Variants in MACROD2 observed in about 807,000 individuals in gnomAD.
The protein encoded by MACROD2 is ADP-ribose glycohydrolase MACROD2.
Under a neutral mutation model 70.4 loss-of-function variants are expected in MACROD2, and 36 were observed. The observed-to-expected ratio is 0.51, with a 90% CI of 0.39 to 0.68. The LOEUF is 0.68. MACROD2 is among the 30% of genes least tolerant of loss of function. The pLI is 0.00. For synonymous variants in MACROD2, 172 were observed against 178.8 expected, an observed-to-expected ratio of 0.96 and a Z score of 0.30; for missense variants, 496 against 538.4, an observed-to-expected ratio of 0.92 and a Z score of 0.78.
intron 2 of MACROD2, among the ~76,000 whole-genome samples, chr20:14,075,023 G>GTATTGC (rs1473913418): frequency 1.3e-5 from 2 of 152,210 alleles, no homozygotes; most frequent in East Asian, 3.9e-4. Flanking sequence ...CACTGTCTGT[G>GTATTGC]TATTGCACTG....
At chr20:14,751,557 G>A (rs951604367) in intron 5 of MACROD2, among the ~76,000 whole-genome samples, 5 of 152,002 alleles carry the variant, frequency 3.3e-5, no homozygotes, top group African/African-American at 1.2e-4. Flanking sequence ...AACTTCAGGG[G>A]CAAACAATTC....
At position 14,992,121 on chromosome 20, in the gene MACROD2, T is replaced by C. The variant is rs544274182; in HGVS notation, c.419-237819T>C. Reference sequence around the variant, plus strand: ...CCATTTTTTAAGTCTAGAATTTATTTGAGGCTATGCAGTAGAGAAAATAAC... The same window carrying C: ...CCATTTTTTAAGTCTAGAATTTATTCGAGGCTATGCAGTAGAGAAAATAAC... On this transcript the variant is annotated intron_variant, in intron 5 of 17. Coordinates refer to ENST00000684519, the MANE Select transcript of MACROD2 (RefSeq NM_001351661.2). Among the ~76,000 whole-genome samples, 4 of 152,316 alleles carry C rather than the reference T, an allele frequency of 2.6e-5. No individual in the cohort carries two copies. The South Asian group carries it at 8.3e-4, about 32-fold the overall frequency.
intron 6 of MACROD2, among the ~76,000 whole-genome samples, chr20:15,263,135 T>C (rs1055152536): frequency 6.6e-6 from 1 of 152,004 alleles, no homozygotes; most frequent in Non-Finnish European, 1.5e-5. Context: ...TCCTGGAGAG[T>C]ATCCCCATTG....
intron 3 of MACROD2, among the ~76,000 whole-genome samples, chr20:14,255,686 TAAA>T (rs1268334574): frequency 1.7e-4 from 8 of 47,754 alleles, no homozygotes; most frequent in African/African-American, 3.4e-4. Flanking sequence ...AAAAGTATAA[TAAA>T]TAAATAAATA....
chr20:14,908,730 A>T (rs745732000), intron 5 of MACROD2, among the ~76,000 whole-genome samples: 5 of 152,134 alleles, frequency 3.3e-5, no homozygotes, highest in African/African-American at 4.8e-5. Context: ...ATTAGAAGGC[A>T]TGGGACTCAT....
intron 9 of MACROD2, among the ~76,000 whole-genome samples, chr20:15,878,575 AG>A (rs2064708688): frequency 1.3e-5 from 2 of 152,118 alleles, no homozygotes; most frequent in Admixed American, 1.3e-4. Context: ...CTTCCCCAAA[AG>A]ACTGTATTAA....
intron 5 of MACROD2, among the ~76,000 whole-genome samples, chr20:14,995,641 G>A (rs528637886): frequency 5.5e-4 from 84 of 152,136 alleles, no homozygotes; most frequent in African/African-American, 2.0e-3. Context: ...AGTGTCATAC[G>A]CTGTCAGTGG....
chr20:14,768,814 G>T (rs1226699354), intron 5 of MACROD2, among the ~76,000 whole-genome samples: 1 of 152,014 alleles, frequency 6.6e-6, no homozygotes, highest in Non-Finnish European at 1.5e-5. Flanking sequence ...GTGTTTGATT[G>T]CACATATTCC....
intron 3 of MACROD2, among the ~76,000 whole-genome samples, chr20:14,128,908 G>T (rs956774549): frequency 4.6e-5 from 7 of 152,092 alleles, no homozygotes; most frequent in Non-Finnish European, 1.0e-4. Context: ...GAGACCAGCT[G>T]CTCAGAAAAA....
intron 6 of MACROD2, among the ~76,000 whole-genome samples, chr20:15,253,974 T>C (rs1216041514): frequency 6.6e-6 from 1 of 152,218 alleles, no homozygotes; most frequent in Non-Finnish European, 1.5e-5. Context: ...GGTCTCATGC[T>C]GTCCCCCATC....
At position 14,443,870 on chromosome 20, in the gene MACROD2, G is replaced by T. The variant is rs190834726; in HGVS notation, c.272-49609G>T. 1.9e-3 allele frequency among the ~76,000 whole-genome samples: 289 copies of T among 152,192 alleles called. 2 individuals carry two copies. Among genetic ancestry groups the T allele is most frequent in the African/African-American group, 6.4e-3 (265 of 41,486 alleles). ...CCTGCCTTGCAGGATTACTGTCAGG[G>T]TTTAATAAAGCAAAGCATTTAAAGC... On this transcript the variant is annotated intron_variant, in intron 3 of 17. Transcript: ENST00000684519.
chr20:15,948,846 C>G (rs1341567788), intron 12 of MACROD2, among the ~76,000 whole-genome samples: 2 of 152,130 alleles, frequency 1.3e-5, no homozygotes, highest in Non-Finnish European at 2.9e-5. Flanking sequence ...ATTACATGCT[C>G]TCTTGGGACA....
chr20:15,548,689 C>T (rs1039658750), intron 8 of MACROD2, among the ~76,000 whole-genome samples: 8 of 152,132 alleles, frequency 5.3e-5, no homozygotes, highest in African/African-American at 1.2e-4. Context: ...CCACTGCACC[C>T]GGCCAGTGAT....
At chr20:14,765,804 G>A (rs2072080217) in intron 5 of MACROD2, among the ~76,000 whole-genome samples, 1 of 152,052 alleles carries the variant, frequency 6.6e-6, no homozygotes, top group South Asian at 2.1e-4. Flanking sequence ...CCTTCCCATT[G>A]TCACTATTGC....
At chr20:14,188,470 T>C (rs1034830941) in intron 3 of MACROD2, among the ~76,000 whole-genome samples, 2 of 152,178 alleles carry the variant, frequency 1.3e-5, no homozygotes, top group African/African-American at 4.8e-5. Flanking sequence ...TAAAGATAAA[T>C]ATGTTTTATA....
chr20:15,307,070 C>T (rs1003795384), intron 6 of MACROD2, among the ~76,000 whole-genome samples: 2 of 152,064 alleles, frequency 1.3e-5, no homozygotes, highest in Non-Finnish European at 2.9e-5. Flanking sequence ...ATAAGGCACC[C>T]CACCCCATGA....
intron 5 of MACROD2, among the ~76,000 whole-genome samples, chr20:14,779,429 G>T (rs1165626743): frequency 6.6e-6 from 1 of 152,086 alleles, no homozygotes; most frequent in Admixed American, 6.5e-5. Context: ...GCTTGCTACT[G>T]AAAAGCTGCA....
Position 16,052,777 on chromosome 20 carries a change from G to A in MACROD2, c.*2901G>A, listed in dbSNP as rs2067475153. The A allele has an allele frequency of 6.6e-6, 1 of 152,526 alleles. No homozygotes were observed. The highest frequency in any genetic ancestry group is 1.5e-5 in the Non-Finnish European group (1 of 68,024). The allele number at this position is 152,526 out of a possible 1,614,324, so 9.4% of individuals were successfully genotyped here. On this transcript the variant is annotated 3_prime_UTR_variant, in exon 18 of 18. Coordinates refer to ENST00000684519, the MANE Select transcript of MACROD2 (RefSeq NM_001351661.2). ...TTTGAAAAGACATTTCTCTGTATGT[G>A]GCGCATGTCGGCTTTGCTTTGAAAA...
At chr20:15,689,122 G>A (rs555755532) in intron 8 of MACROD2, among the ~76,000 whole-genome samples, 2 of 152,294 alleles carry the variant, frequency 1.3e-5, no homozygotes, top group South Asian at 4.1e-4. Context: ...TGGCCAACAT[G>A]GCGAAAACTT....
Sources: allele counts gnomAD v4.1 joint callset (sites outside exome capture counted in the v4.1 genomes callset), GRCh38; gene constraint gnomAD v4.1.1; transcripts MANE v1.5; gene names NCBI Gene and HGNC (gene_info 2026-07-23, HGNC 2026-07-21).